The following WDFY3 variants were observed in gnomAD, a reference collection of about 807,000 sequenced individuals.
WDFY3 encodes WD repeat and FYVE domain containing 3, also known as WD repeat and FYVE domain-containing protein 3.
In WDFY3, 66 loss-of-function variants were observed where a neutral mutation model predicts 409.6. The ratio of observed to expected loss-of-function variants is 0.16; its 90% CI spans 0.13 to 0.20. The LOEUF (loss-of-function observed/expected upper bound fraction) is 0.20. WDFY3 is among the 10% of genes least tolerant of loss of function. The pLI is 1.00. For missense variants in WDFY3, 3,031 were observed against 4,298.1 expected (o/e 0.71, Z 8.24); for synonymous variants, 1,521 against 1,537.1 (o/e 0.99, Z 0.25).
At chr4:84,693,106 T>C (rs1560539947) in intron 58 of WDFY3, 74 bp from the exon 59 acceptor site, 1 of 1,443,400 alleles carries the variant, frequency 6.9e-7, no homozygotes, top group Non-Finnish European at 9.5e-7. Context: ...CCAGGCATTG[T>C]GTTCTTATTT....
chr4:84,772,696 C>T (rs1744876579), intron 30 of WDFY3, 139 bp downstream of exon 30: 9 of 680,804 alleles, frequency 1.3e-5, no homozygotes, highest in Non-Finnish European at 2.1e-5. Context: ...CAGAGAAGGG[C>T]CAAAAACGTA....
chr4:84,868,482 T>C (rs1033361615), intron 3 of WDFY3, among the ~76,000 whole-genome samples: 1 of 152,032 alleles, frequency 6.6e-6, no homozygotes. Context: ...TCAAGGAGAG[T>C]CATTATCATA....
At chr4:84,894,259 A>G (rs1765318115) in intron 3 of WDFY3, among the ~76,000 whole-genome samples, 1 of 152,228 alleles carries the variant, frequency 6.6e-6, no homozygotes, top group South Asian at 2.1e-4. Flanking sequence ...ATGTTGATAA[A>G]AGCTTACTCT....
intron 21 of WDFY3, among the ~76,000 whole-genome samples, chr4:84,790,435 A>C (rs964937985): frequency 6.6e-6 from 1 of 152,192 alleles, no homozygotes; most frequent in African/African-American, 2.4e-5. Flanking sequence ...GTAAAGTGAA[A>C]CCTAGAATGT....
intron 47 of WDFY3, among the ~76,000 whole-genome samples, chr4:84,718,795 C>T (rs935076060): frequency 3.3e-5 from 5 of 152,092 alleles, no homozygotes; most frequent in African/African-American, 9.7e-5. Flanking sequence ...CTCAATATTC[C>T]GGGTGTACTT....
chr4:84,755,501 G>A (rs1741283129), intron 33 of WDFY3, 101 bp from the exon 34 acceptor site: 5 of 1,383,860 alleles, frequency 3.6e-6, no homozygotes, highest in Non-Finnish European at 4.8e-6. Context: ...CTAGTTTTTT[G>A]TTGTTTTTAA....
intron 13 of WDFY3, among the ~76,000 whole-genome samples, chr4:84,811,903 T>C (rs1002235297): frequency 1.3e-5 from 2 of 152,332 alleles, no homozygotes; most frequent in East Asian, 1.9e-4. Flanking sequence ...ATATACCTTA[T>C]ACACATAGCC....
chr4:84,797,432 T>C (rs1288635539), intron 18 of WDFY3, among the ~76,000 whole-genome samples: 2 of 152,148 alleles, frequency 1.3e-5, no homozygotes, highest in Non-Finnish European at 2.9e-5. Flanking sequence ...TACATGAGTA[T>C]AGGAAACTGT....
chr4:84,736,218 T>C lies in WDFY3; in HGVS notation c.6867A>G (p.Arg2289=). 6.2e-7 allele frequency: 1 copy of C among 1,613,308 alleles called. No homozygotes were observed. Among genetic ancestry groups the C allele is most frequent in the Non-Finnish European group, 8.5e-7 (1 of 1,179,508 alleles). ...GFGLSKLTGS[R]RNRKESGLNK... is the part of the protein sequence containing the mutation. ...TAAGACCACTTTCTTTTCGATTCCT[T>C]CTTGATCCTGTTAACTTGGAAAGAC... is the stretch of plus-strand genomic sequence containing the variant. Residue 2289 remains arginine, a synonymous_variant, in exon 42 of 68, where the codon AGA becomes AGG. Transcript: ENST00000295888.
intron 55 of WDFY3, among the ~76,000 whole-genome samples, chr4:84,703,395 G>C (rs180849022): frequency 2.5e-4 from 38 of 152,292 alleles, no homozygotes; most frequent in East Asian, 1.9e-4. Context: ...CTATGCTGCT[G>C]TGTTTTAAGT....
At chr4:84,776,326 ATTC>A (rs1745542574) in intron 27 of WDFY3, among the ~76,000 whole-genome samples, 1 of 152,050 alleles carries the variant, frequency 6.6e-6, no homozygotes, top group Non-Finnish European at 1.5e-5. Flanking sequence ...TCAAATGAGT[ATTC>A]TAAAAATTTG....
intron 2 of WDFY3, among the ~76,000 whole-genome samples, chr4:84,902,797 T>G (rs1450383496): frequency 5.3e-5 from 8 of 152,194 alleles, no homozygotes; most frequent in Non-Finnish European, 2.9e-5. Context: ...GACTAGGTCA[T>G]AAAAAGGATT....
At position 84,817,471 on chromosome 4, in the gene WDFY3, T is replaced by A; in HGVS notation, c.1808A>T (p.Asp603Val). Residue 603 changes from aspartate to valine, a missense_variant, in exon 13 of 68, where the codon GAC becomes GTC. Asp to Val is a radical substitution (Grantham distance 152). Coordinates refer to ENST00000295888, the MANE Select transcript of WDFY3 (RefSeq NM_014991.6). ...IQQLVLSPNG[D>V]DDMGTLLGLM... is the part of the protein sequence containing the mutation. ...CCCCAGGAGAGTGCCCATGTCATCG[T>A]CCCCATTTGGGGAGAGCACCAGCTG... 1 of 1,613,770 alleles carries A rather than the reference T, an allele frequency of 6.2e-7. No individual in the cohort carries two copies. The highest frequency in any genetic ancestry group is 8.5e-7 in the Non-Finnish European group (1 of 1,179,788).
chr4:84,727,276 T>A (rs1735812071), intron 44 of WDFY3, among the ~76,000 whole-genome samples: 1 of 151,956 alleles, frequency 6.6e-6, no homozygotes. Context: ...GAAATCAGGA[T>A]AATAGAACCT....
chr4:84,708,277 G>A (rs988506263), intron 53 of WDFY3, among the ~76,000 whole-genome samples: 2 of 152,174 alleles, frequency 1.3e-5, no homozygotes, highest in Non-Finnish European at 2.9e-5. Context: ...TTTTGTAGAA[G>A]AGTTACTTTG....
intron 2 of WDFY3, among the ~76,000 whole-genome samples, chr4:84,906,190 A>T (rs894391163): frequency 2.6e-5 from 4 of 152,230 alleles, no homozygotes; most frequent in African/African-American, 9.6e-5. Flanking sequence ...TTTAATTTCT[A>T]TACAATTTAA....
At chr4:84,727,679 TC>T (rs1735890341) in intron 44 of WDFY3, among the ~76,000 whole-genome samples, 1 of 152,200 alleles carries the variant, frequency 6.6e-6, no homozygotes, top group African/African-American at 2.4e-5. Context: ...AAAAACCACT[TC>T]CGAATTTCCT....
At chr4:84,837,657 A>C (rs1254900630) in intron 6 of WDFY3, among the ~76,000 whole-genome samples, 1 of 152,244 alleles carries the variant, frequency 6.6e-6, no homozygotes, top group Non-Finnish European at 1.5e-5. Flanking sequence ...TTATTTTCAA[A>C]GATATCCAGA....
intron 3 of WDFY3, among the ~76,000 whole-genome samples, chr4:84,889,659 G>A (rs1452122481): frequency 1.3e-5 from 2 of 152,128 alleles, no homozygotes; most frequent in Non-Finnish European, 2.9e-5. Flanking sequence ...CACTATCTAT[G>A]TGACGTCAGG....
Sources: allele counts gnomAD v4.1 joint callset (sites outside exome capture counted in the v4.1 genomes callset), GRCh38; gene constraint gnomAD v4.1.1; transcripts MANE v1.5; gene names NCBI Gene and HGNC (gene_info 2026-07-23, HGNC 2026-07-21).